The following LIN52 variants were observed in gnomAD, a reference collection of about 807,000 sequenced individuals.
LIN52 encodes the protein protein lin-52 homolog.
In LIN52, 4 loss-of-function variants were observed where a neutral mutation model predicts 18.5. The observed-to-expected ratio is 0.22, with a 90% CI of 0.11 to 0.49. The LOEUF (loss-of-function observed/expected upper bound fraction) is 0.49, where lower values mean the gene tolerates loss of function less well. LIN52 is among the 20% of genes least tolerant of loss of function. The pLI is 0.97. For missense variants in LIN52, 102 were observed against 139.5 expected (o/e 0.73, Z 1.35); for synonymous variants, 34 against 45.5 (o/e 0.75, Z 1.02).
intron 5 of LIN52, among the ~76,000 whole-genome samples, chr14:74,175,963 T>C (rs570306350): frequency 6.6e-6 from 1 of 152,042 alleles, no homozygotes; most frequent in Admixed American, 6.6e-5. Flanking sequence ...CTGGGTGACA[T>C]AGTGAGGCCC....
chr14:74,111,384 G>T (rs988861584), intron 5 of LIN52, among the ~76,000 whole-genome samples: 3 of 151,882 alleles, frequency 2.0e-5, no homozygotes, highest in African/African-American at 7.3e-5. Flanking sequence ...GACCTCCCAG[G>T]TTCAAGCAAT....
intron 5 of LIN52, among the ~76,000 whole-genome samples, chr14:74,133,412 C>G (rs2061079796): frequency 6.6e-6 from 1 of 152,142 alleles, no homozygotes; most frequent in African/African-American, 2.4e-5. Flanking sequence ...ATCTGTTAAG[C>G]CTTATTATTT....
chr14:74,175,706 A>G (rs972792333), intron 5 of LIN52, among the ~76,000 whole-genome samples: 8 of 75,546 alleles, frequency 1.1e-4, no homozygotes, highest in Admixed American at 9.7e-4. Flanking sequence ...CTTAACACAG[A>G]CACATACACA....
At chr14:74,136,383 A>C (rs1185293837) in intron 5 of LIN52, among the ~76,000 whole-genome samples, 2 of 152,222 alleles carry the variant, frequency 1.3e-5, no homozygotes, top group Non-Finnish European at 2.9e-5. Context: ...TGATTACAGA[A>C]ATAAGCTTTC....
chr14:74,108,778 G>A (rs1488857421), intron 5 of LIN52, among the ~76,000 whole-genome samples: 1 of 151,990 alleles, frequency 6.6e-6, no homozygotes, highest in South Asian at 2.1e-4. Context: ...ATATATTCTA[G>A]AAACATATAT....
At chr14:74,154,673 G>A (rs2061192042) in intron 5 of LIN52, among the ~76,000 whole-genome samples, 1 of 152,102 alleles carries the variant, frequency 6.6e-6, no homozygotes, top group Admixed American at 6.5e-5. Flanking sequence ...AATTAGTAAT[G>A]GGCAATTTTG....
chr14:74,085,721 G>C (rs1271983299), intron 1 of LIN52: 1 of 152,096 alleles, frequency 6.6e-6, no homozygotes, highest in Non-Finnish European at 1.5e-5. Context: ...AGTTGTTTTG[G>C]TATACTCCCA....
intron 5 of LIN52, among the ~76,000 whole-genome samples, chr14:74,113,694 T>A (rs17096712): frequency 0.014 from 2,082 of 152,262 alleles, 47 homozygotes; most frequent in African/African-American, 0.046. Flanking sequence ...CTTAATGCTG[T>A]CAAATTAACT....
intron 5 of LIN52, among the ~76,000 whole-genome samples, chr14:74,116,040 A>G (rs1362373263): frequency 6.6e-6 from 1 of 152,230 alleles, no homozygotes; most frequent in Admixed American, 6.5e-5. Context: ...ATGGTGGCTC[A>G]TGCCATAATC....
chr14:74,131,042 C>T (rs978605911), intron 5 of LIN52, among the ~76,000 whole-genome samples: 9 of 152,084 alleles, frequency 5.9e-5, no homozygotes, highest in African/African-American at 4.8e-5. Context: ...CTGCCTTGGC[C>T]TCCCAAAGTG....
At chr14:74,197,105 TAA>T (rs2078917529) in intron 5 of LIN52, among the ~76,000 whole-genome samples, 1 of 152,236 alleles carries the variant, frequency 6.6e-6, no homozygotes, top group South Asian at 2.1e-4. Flanking sequence ...AAGGCACATT[TAA>T]AAAGACTCCC....
intron 5 of LIN52, among the ~76,000 whole-genome samples, chr14:74,144,236 C>G (rs1273049361): frequency 2.0e-5 from 3 of 151,878 alleles, no homozygotes; most frequent in Non-Finnish European, 2.9e-5. Context: ...GATCCTTCCG[C>G]CTCAGCCTCC....
intron 5 of LIN52, among the ~76,000 whole-genome samples, chr14:74,146,010 A>G (rs2061151369): frequency 6.6e-6 from 1 of 152,198 alleles, no homozygotes; most frequent in Non-Finnish European, 1.5e-5. Context: ...ACTCCCTCAT[A>G]GAGCTCTGTG....
chr14:74,135,496 C>G (rs991225538), intron 5 of LIN52, among the ~76,000 whole-genome samples: 2 of 152,154 alleles, frequency 1.3e-5, no homozygotes, highest in Admixed American at 1.3e-4. Flanking sequence ...TTGATTTCTC[C>G]ATAAGTTCTC....
At chr14:74,128,907 A>G (rs991070556) in intron 5 of LIN52, among the ~76,000 whole-genome samples, 8 of 152,200 alleles carry the variant, frequency 5.3e-5, no homozygotes, top group Non-Finnish European at 1.2e-4. Flanking sequence ...GCACCACTGC[A>G]CTCCAGCCTG....
chr14:74,154,755 G>A (rs1156370920), intron 5 of LIN52, among the ~76,000 whole-genome samples: 1 of 152,204 alleles, frequency 6.6e-6, no homozygotes, highest in African/African-American at 2.4e-5. Context: ...CCTAGAAGAC[G>A]TAAGATTAAA....
intron 5 of LIN52, among the ~76,000 whole-genome samples, chr14:74,181,648 G>T (rs2061319309): frequency 8.9e-6 from 1 of 112,256 alleles, no homozygotes; most frequent in Non-Finnish European, 2.1e-5. Context: ...GAGTTTCAGT[G>T]ATACAGACTA....
chr14:74,163,563 C>T (rs2061235369), intron 5 of LIN52, among the ~76,000 whole-genome samples: 3 of 152,184 alleles, frequency 2.0e-5, no homozygotes, highest in African/African-American at 7.2e-5. Flanking sequence ...ATGTGGAGGG[C>T]ACTTTAAGGT....
rs1399140136 is a variant in LIN52, at chr14:74,200,537, G to T, written c.*1560G>T. On this transcript the variant is annotated 3_prime_UTR_variant, in exon 6 of 6. Coordinates refer to ENST00000555028, the MANE Select transcript of LIN52 (RefSeq NM_001024674.3). Reference sequence around the variant, plus strand: ...GTTTGCTAGGGCATGGCACTCTTCAGTTTAACAGCTGATCCATTAAACCTT... The same window carrying T: ...GTTTGCTAGGGCATGGCACTCTTCATTTTAACAGCTGATCCATTAAACCTT... 1 of 151,440 alleles carries T rather than the reference G, an allele frequency of 6.6e-6. No homozygotes were observed. Among genetic ancestry groups the T allele is most frequent in the Non-Finnish European group, 1.5e-5 (1 of 67,960 alleles). 9.4% of individuals were successfully genotyped at this position (151,440 alleles called of 1,614,324 possible).
Sources: allele counts gnomAD v4.1 joint callset (sites outside exome capture counted in the v4.1 genomes callset), GRCh38; gene constraint gnomAD v4.1.1; transcripts MANE v1.5; gene names NCBI Gene and HGNC (gene_info 2026-07-23, HGNC 2026-07-21).